The following COL6A6 variants were observed in gnomAD, a reference collection of about 807,000 sequenced individuals.
COL6A6 encodes the protein collagen type VI alpha 6 chain.
In COL6A6, 183 loss-of-function variants were observed where a neutral mutation model predicts 208.6. That is an observed-to-expected ratio of 0.88 (90% CI 0.78 to 0.99). COL6A6 has a LOEUF of 0.99. Among genes scored for constraint, COL6A6 ranks in the 50% least tolerant of loss-of-function variants. COL6A6 has a pLI of 0.00. For synonymous variants in COL6A6, 973 were observed against 1,011.8 expected, an observed-to-expected ratio of 0.96 and a Z score of 0.73; for missense variants, 2,816 against 2,815.2, an observed-to-expected ratio of 1.00 and a Z score of -0.01.
chr3:130,666,051 G>C (rs973040412), intron 36 of COL6A6, among the ~76,000 whole-genome samples: 3 of 152,046 alleles, frequency 2.0e-5, no homozygotes, highest in African/African-American at 7.2e-5. Context: ...GGAAACCAAT[G>C]GACAATTCCA....
At chr3:130,636,764 TCC>T (rs1576368485) in intron 28 of COL6A6, among the ~76,000 whole-genome samples, 2 of 11,086 alleles carry the variant, frequency 1.8e-4, no homozygotes, top group East Asian at 5.1e-3. Context: ...CCTCCTCCCC[TCC>T]CCTCCCCCTC....
At chr3:130,641,828 C>A (rs2065319962) in intron 29 of COL6A6, 114 bp downstream of exon 29, 2 of 522,142 alleles carry the variant, frequency 3.8e-6, no homozygotes, top group South Asian at 4.1e-5. Context: ...GCTTCTTGGC[C>A]ACTTTTTTCC....
intron 26 of COL6A6, among the ~76,000 whole-genome samples, chr3:130,628,668 G>T (rs2108304820): frequency 6.6e-6 from 1 of 152,294 alleles, no homozygotes; most frequent in South Asian, 2.1e-4. Context: ...TAAAATGAAT[G>T]ATCAAGTTTA....
At chr3:130,589,009 C>T (rs1200670493) in intron 11 of COL6A6, 81 bp from the exon 12 acceptor site, 6 of 981,486 alleles carry the variant, frequency 6.1e-6, no homozygotes, top group Non-Finnish European at 9.3e-6. Context: ...TGGTAGAAGT[C>T]TGGATCGCAT....
intron 36 of COL6A6, among the ~76,000 whole-genome samples, chr3:130,671,251 T>A (rs1408286963): frequency 6.6e-6 from 1 of 152,198 alleles, no homozygotes; most frequent in East Asian, 1.9e-4. Context: ...CAAGGACACA[T>A]GTGGGAGCCA....
intron 28 of COL6A6, among the ~76,000 whole-genome samples, chr3:130,639,132 T>G (rs958447741): frequency 6.6e-6 from 1 of 152,212 alleles, no homozygotes; most frequent in Non-Finnish European, 1.5e-5. Context: ...TGCTCTACTT[T>G]CTGGGAGAGT....
At chr3:130,599,711 C>A in intron 19 of COL6A6, 46 bp from the exon 20 acceptor site, 1 of 1,601,034 alleles carries the variant, frequency 6.2e-7, no homozygotes, top group South Asian at 1.1e-5. Flanking sequence ...GAAACTCTGT[C>A]AATGCTGCAT....
chr3:130,542,898 C>CTTTTTTTTTTTTTTTT (rs56339748), intron 1 of COL6A6, among the ~76,000 whole-genome samples: 1 of 92,614 alleles, frequency 1.1e-5, no homozygotes, highest in African/African-American at 4.1e-5. Flanking sequence ...TCCATTCACT[C>CTTTTTTTTTTTTTTTT]TTTTTTTTTT....
chr3:130,655,245 G>C (rs2108432808), intron 33 of COL6A6, among the ~76,000 whole-genome samples: 1 of 152,270 alleles, frequency 6.6e-6, no homozygotes, highest in South Asian at 2.1e-4. Flanking sequence ...GGTGGCCACT[G>C]TAACTCTTAT....
Position 130,570,937 on chromosome 3 carries a change from G to T in COL6A6, c.2521G>T (p.Val841Leu). The stretch of plus-strand genomic sequence containing the variant: ...GATTGGCTTAGTGAAAAAAGCTGAT[G>T]TGGGCAAGAATCAGGTCCGGTTTGG... ...FMIGLVKKAD[V>L]GKNQVRFGAL... The change falls in exon 7 of 37, where the codon GTG (valine) becomes TTG (leucine). Residue 841 changes from valine (V) to leucine (L), a missense_variant. Transcript: ENST00000358511. The T allele has an allele frequency of 1.9e-6, 3 of 1,614,034 alleles. No individual in the cohort carries two copies. Among genetic ancestry groups the T allele is most frequent in the Non-Finnish European group, 2.5e-6 (3 of 1,179,902 alleles).
intron 24 of COL6A6, among the ~76,000 whole-genome samples, chr3:130,625,483 T>C (rs1222938629): frequency 6.6e-6 from 1 of 152,200 alleles, no homozygotes; most frequent in Admixed American, 6.5e-5. Context: ...GTCATGTTGA[T>C]TGTATATACC....
chr3:130,570,628 A>G (rs929202191), intron 6 of COL6A6, among the ~76,000 whole-genome samples, 190 bp from the exon 7 acceptor site: 1 of 152,152 alleles, frequency 6.6e-6, no homozygotes, highest in Admixed American at 6.5e-5. Flanking sequence ...AAGCTCACCT[A>G]AGTGAGTATT....
intron 18 of COL6A6, among the ~76,000 whole-genome samples, chr3:130,596,013 ATCTCATGAGGATTTTTGTTTTCTT>A (rs2063841892): frequency 6.6e-6 from 1 of 152,160 alleles, no homozygotes; most frequent in African/African-American, 2.4e-5. Flanking sequence ...ACACCTGGGA[ATCTCATGAGGATTTTTGTTTTCTT>A]TAATATAACC....
chr3:130,561,940 C>A (rs191325146), intron 2 of COL6A6, among the ~76,000 whole-genome samples: 16 of 152,276 alleles, frequency 1.1e-4, no homozygotes, highest in African/African-American at 3.9e-4. Flanking sequence ...GCGTGAGCCA[C>A]CGCGCCCGGC....
chr3:130,607,182 T>G (rs1013595906), intron 21 of COL6A6, among the ~76,000 whole-genome samples: 1 of 152,214 alleles, frequency 6.6e-6, no homozygotes, highest in Non-Finnish European at 1.5e-5. Flanking sequence ...TGGCCAGAGA[T>G]GTACTTAGCA....
rs2065938571 is a variant in COL6A6, at chr3:130,661,756, A to AT, written c.5951dup (p.Arg1985LysfsTer12). On this transcript the variant is annotated frameshift_variant, in exon 35 of 37. Coordinates refer to ENST00000358511, the MANE Select transcript of COL6A6 (RefSeq NM_001102608.3). LOFTEE classifies it high-confidence loss of function. ...CATGGGAAGTGCTGAATTTGAAGAC[A>AT]TAAGAGCCTTCCTTGGAGCACTATT... The AT allele has an allele frequency of 3.1e-6, 5 of 1,613,830 alleles. No homozygotes were observed. The highest frequency in any genetic ancestry group is 4.2e-6 in the Non-Finnish European group (5 of 1,179,882).
chr3:130,664,272 C>G (rs971169646), intron 35 of COL6A6, among the ~76,000 whole-genome samples: 3 of 152,196 alleles, frequency 2.0e-5, no homozygotes, highest in African/African-American at 7.2e-5. Context: ...ATCACACAGT[C>G]TTAGGCCATT....
rs71333673 is a variant in COL6A6, at chr3:130,610,664, G to A, written c.4768G>A (p.Ala1590Thr). The change falls in exon 23 of 37, where the codon GCT becomes ACT. Residue 1590 changes from alanine to threonine, a missense_variant. Physicochemically the swap from Ala to Thr is moderately conservative, Grantham distance 58. Coordinates refer to ENST00000358511, the MANE Select transcript of COL6A6 (RefSeq NM_001102608.3). ...ATGTACTTAGGGCCCAAGAGGAGAG[G>A]CTGGTGTGAAAGGAGAAAAAGGAGG... ...LKGPQGPRGE[A>T]GVKGEKGGVG... The A allele has an allele frequency of 1.9e-6, 3 of 1,590,534 alleles. No homozygotes were observed. The highest frequency in any genetic ancestry group is 2.6e-6 in the Non-Finnish European group (3 of 1,167,714).
At chr3:130,589,889 G>A (rs2063632723) in intron 12 of COL6A6, 1 of 353,390 alleles carries the variant, frequency 2.8e-6, no homozygotes, top group South Asian at 2.4e-5. Context: ...TTTATAGATA[G>A]CACTGTAACT....
Sources: gnomAD v4.1 joint callset for allele counts (sites outside exome capture counted in the v4.1 genomes callset) on GRCh38, gnomAD v4.1.1 for gene constraint, MANE v1.5 for transcripts, NCBI Gene and HGNC (gene_info 2026-07-23, HGNC 2026-07-21) for gene names.